Variants in CORO7 observed in about 807,000 individuals in gnomAD.
CORO7 encodes the protein coronin 7, also known as coronin-7.
CORO7 carries 107 observed loss-of-function variants against 126.6 expected under a neutral mutation model. That is an observed-to-expected ratio of 0.85 (90% CI 0.72 to 0.99). The LOEUF (loss-of-function observed/expected upper bound fraction) is 0.99, where lower values mean the gene tolerates loss of function less well. Ranked by LOEUF, CORO7 falls within the 50% of genes least tolerant of loss-of-function variation. The probability of loss-of-function intolerance (pLI) is 0.00; values close to 1 mark genes in which losing one functional copy is unlikely to be tolerated. For synonymous variants in CORO7, 603 were observed against 536.8 expected, an observed-to-expected ratio of 1.12 and a Z score of -1.70; for missense variants, 1,314 against 1,255.8, an observed-to-expected ratio of 1.05 and a Z score of -0.70.
chr16:4,376,088 G>A lies in CORO7; in HGVS notation c.786-10543C>T, dbSNP rs554269779. Among the ~76,000 whole-genome samples, 13 of 152,292 alleles carry A rather than the reference G, an allele frequency of 8.5e-5. No homozygotes were observed. The East Asian group carries it at 2.5e-3, about 29-fold the overall frequency. On this transcript the variant is annotated intron_variant, in intron 9 of 27. Coordinates refer to ENST00000251166, the MANE Select transcript of CORO7 (RefSeq NM_024535.5). ...GCTCAATCACCAGCCAGGGGTCCCC[G>A]CGCCTATAGGGAGGGTCTACCTGCC...
intron 9 of CORO7, among the ~76,000 whole-genome samples, chr16:4,378,667 G>A (rs1479044015): frequency 6.6e-6 from 1 of 152,062 alleles, no homozygotes; most frequent in Non-Finnish European, 1.5e-5. Flanking sequence ...CCTGGGGTTT[G>A]GGGTGCTAAC....
chr16:4,375,366 C>G (rs542814993), intron 9 of CORO7, among the ~76,000 whole-genome samples: 1 of 152,260 alleles, frequency 6.6e-6, no homozygotes, highest in Non-Finnish European at 1.5e-5. Flanking sequence ...CACAGGAAGA[C>G]GAGCTGACAT....
rs776811424 is a variant in CORO7 at position 4,358,383 on chromosome 16, C to T, written c.2441G>A (p.Arg814Gln). 4.2e-5 allele frequency: 68 copies of T among 1,612,410 alleles called. 1 individual carries two copies. The South Asian group carries it at 5.4e-4, about 13-fold the overall frequency. Residue 814 changes from arginine to glutamine, a missense_variant, in exon 24 of 28, where the codon CGG (arginine) becomes CAG (glutamine). Coordinates refer to ENST00000251166, the MANE Select transcript of CORO7 (RefSeq NM_024535.5). ...CACCCTCACCCGGACTCGGGGCAGC[C>T]GGAAGGCCACAGGCTCCAGGGAGGA... The part of the protein sequence containing the change: ...RQSSLEPVAF[R>Q]LPRVRKEFFQ...
At chr16:4,388,096 GA>G (rs1286256620) in intron 8 of CORO7, 28 bp from the exon 9 acceptor site, 8 of 1,600,552 alleles carry the variant, frequency 5.0e-6, no homozygotes, top group Non-Finnish European at 6.8e-6. Flanking sequence ...GAGGGGCTCA[GA>G]GGGGCCTGTC....
rs773483699 is a variant in CORO7 at position 4,361,058 on chromosome 16, C to T, written c.1802G>A (p.Arg601His). The T allele has an allele frequency of 7.4e-5, 120 of 1,613,212 alleles. No individual in the cohort carries two copies. In the East Asian group the frequency reaches 9.4e-4, roughly 13 times the overall value. Residue 601 changes from arginine to histidine, a missense_variant, in exon 19 of 28, where the codon CGC (arginine) becomes CAC (histidine). Physicochemically the swap from Arg to His is conservative, Grantham distance 29. Transcript: ENST00000251166. ...CACATTGGCTGCCAGTGGGTGGAAGCGCAGGGAGCAGATCTTCTCCGTGTG... is the reference window on the plus strand; with the variant it reads ...CACATTGGCTGCCAGTGGGTGGAAGTGCAGGGAGCAGATCTTCTCCGTGTG... ...TGHTEKICSL[R>H]FHPLAANVLA...
At chr16:4,395,996 T>TGTGTGTGTGTGTGTG (rs55837244) in intron 6 of CORO7, among the ~76,000 whole-genome samples, 7,239 of 151,170 alleles carry the variant, frequency 0.048, 218 homozygotes, top group East Asian at 0.071. Context: ...CATGCACACG[T>TGTGTGTGTGTGTGTG]TGTGTGTGTG....
At chr16:4,413,101 T>C (rs1468874706) in intron 2 of CORO7, among the ~76,000 whole-genome samples, 2 of 152,080 alleles carry the variant, frequency 1.3e-5, no homozygotes, top group South Asian at 4.1e-4. Context: ...TGTACACACA[T>C]ATGTCCTAAT....
chr16:4,377,290 G>C (rs1470675106), intron 9 of CORO7, among the ~76,000 whole-genome samples: 1 of 144,754 alleles, frequency 6.9e-6, no homozygotes, highest in Non-Finnish European at 1.5e-5. Flanking sequence ...AGAGGAAAAG[G>C]TCTCACCTCC....
In CORO7 at chr16:4,388,498, A is replaced by G; in HGVS notation, c.702+47T>C. 5 of 1,586,158 alleles carry G rather than the reference A, an allele frequency of 3.2e-6. No homozygotes were observed. In the Middle Eastern group the frequency reaches 5.0e-4, roughly 158 times the overall value. ...TTCGTCCCCGCCCAAAGGGCTGGAC[A>G]TGTCCCCACCTGGCCGTGCCCTGCT... is the stretch of plus-strand genomic sequence containing the variant. On this transcript the variant is annotated intron_variant, in intron 8 of 27. Coordinates refer to ENST00000251166, the MANE Select transcript of CORO7 (RefSeq NM_024535.5).
At chr16:4,364,957 CAGGGG>C in intron 11 of CORO7, 37 bp from the exon 12 acceptor site, 1 of 1,605,938 alleles carries the variant, frequency 6.2e-7, no homozygotes, top group Non-Finnish European at 8.5e-7. Context: ...GCAGGATGGG[CAGGGG>C]AGGGGAGGGT....
intron 9 of CORO7, among the ~76,000 whole-genome samples, chr16:4,373,127 G>C (rs949214574): frequency 6.6e-6 from 1 of 152,156 alleles, no homozygotes; most frequent in African/African-American, 2.4e-5. Flanking sequence ...AAACCCAACA[G>C]AGCTGGGGCA....
chr16:4,377,071 G>A (rs1402421900), intron 9 of CORO7, among the ~76,000 whole-genome samples: 1 of 152,196 alleles, frequency 6.6e-6, no homozygotes, highest in Non-Finnish European at 1.5e-5. Context: ...TGGGGGCTGA[G>A]GTAGGGGTCG....
chr16:4,359,649 GGT>G, intron 21 of CORO7, 28 bp from the exon 22 acceptor site: 2 of 1,570,176 alleles, frequency 1.3e-6, no homozygotes, highest in Non-Finnish European at 1.7e-6. Context: ...GGCTGAAGCA[GGT>G]GTTTCAGAGC....
Position 4,359,615 on chromosome 16 carries a change from A to C in CORO7, c.2115T>G (p.Ser705Arg), listed in dbSNP as rs745881035. The C allele has an allele frequency of 2.1e-5, 34 of 1,596,116 alleles. No individual in the cohort carries two copies. Among genetic ancestry groups the C allele is most frequent in the Non-Finnish European group, 2.5e-5 (29 of 1,169,016 alleles). Reference sequence around the variant, plus strand: ...CTTCATATAGGAGCAGCTGGCGCTCACTTTGGCTGCAAGGGGGTTTGGGGG... The same window carrying C: ...CTTCATATAGGAGCAGCTGGCGCTCCCTTTGGCTGCAAGGGGGTTTGGGGG... Reference protein sequence around the residue: ...CLLVSGFDSQSERQLLLYEAE... With the variant: ...CLLVSGFDSQRERQLLLYEAE... Residue 705 changes from serine to arginine, a missense_variant, in exon 22 of 28, where the codon AGT (serine) becomes AGG (arginine). Coordinates refer to ENST00000251166, the MANE Select transcript of CORO7 (RefSeq NM_024535.5).
At chr16:4,391,244 G>A (rs1354202036) in intron 7 of CORO7, among the ~76,000 whole-genome samples, 3 of 151,856 alleles carry the variant, frequency 2.0e-5, no homozygotes, top group Admixed American at 6.6e-5. Context: ...GCCACAAACT[G>A]AAAACTTCTC....
chr16:4,390,904 C>G (rs1463919133), intron 7 of CORO7, among the ~76,000 whole-genome samples: 1 of 152,230 alleles, frequency 6.6e-6, no homozygotes, highest in Non-Finnish European at 1.5e-5. Context: ...CCCAGAAACG[C>G]TCTGCTTCCA....
In CORO7 at chr16:4,381,081, C is replaced by T. The variant is rs111555804; in HGVS notation, c.785+6905G>A. The T allele has an allele frequency of 7.0e-4, 1,130 of 1,609,516 alleles. 14 individuals are homozygous for T. The African/African-American group carries it at 0.012, about 17-fold the overall frequency. ...TTGAGAACGGCATCACCATGCTCGA[C>T]GCAGGCAGCTTTGCCGGCCTGCCGG... On this transcript the variant is annotated intron_variant, in intron 9 of 27. Coordinates refer to ENST00000251166, the MANE Select transcript of CORO7 (RefSeq NM_024535.5).
chr16:4,359,278 G>A lies in CORO7; in HGVS notation c.2340+18C>T, dbSNP rs769625549. On this transcript the variant is annotated intron_variant, in intron 23 of 27. Coordinates refer to ENST00000251166, the MANE Select transcript of CORO7 (RefSeq NM_024535.5). The stretch of plus-strand genomic sequence containing the variant: ...GCCTTGTGGTCCCATCGGGGACGAG[G>A]CGCCAGGGTGGCCTCACCTTGTGGG... 1.4e-5 allele frequency: 22 copies of A among 1,584,196 alleles called. No individual in the cohort carries two copies. In the East Asian group the frequency reaches 2.3e-4, roughly 16 times the overall value.
chr16:4,359,884 C>A (rs1325060952), intron 21 of CORO7, among the ~76,000 whole-genome samples: 1 of 148,816 alleles, frequency 6.7e-6, no homozygotes, highest in African/African-American at 2.5e-5. Flanking sequence ...CCCTTGTGCA[C>A]CCCTGCATCT....
Sources: gnomAD v4.1 joint callset for allele counts (sites outside exome capture counted in the v4.1 genomes callset) on GRCh38, gnomAD v4.1.1 for gene constraint, MANE v1.5 for transcripts, NCBI Gene and HGNC (gene_info 2026-07-23, HGNC 2026-07-21) for gene names.